Variants in APOD observed in about 807,000 individuals in gnomAD.
The protein encoded by APOD is apo-D.
In APOD, 22 loss-of-function variants were observed where a neutral mutation model predicts 20.4. The observed-to-expected ratio is 1.08, with a 90% confidence interval of 0.77 to 1.54. APOD has a LOEUF of 1.54. APOD is among the 40% of genes most tolerant of loss of function. The pLI, the probability that APOD is intolerant of heterozygous loss-of-function variation, is 0.00. For synonymous variants in APOD, 97 were observed against 92.4 expected (o/e 1.05, Z -0.29); for missense variants, 223 against 229.6 (o/e 0.97, Z 0.19).
chr3:195,569,786 GTTTTTTTTTTTT>G (rs543541862), intron 4 of APOD, among the ~76,000 whole-genome samples: 8 of 54,044 alleles, frequency 1.5e-4, no homozygotes, highest in Non-Finnish European at 2.8e-4. Flanking sequence ...CTTCTTCTTC[GTTTTTTTTTTTT>G]TTTTTTTTTT....
At chr3:195,576,744 AG>A in intron 2 of APOD, among the ~76,000 whole-genome samples, 1 of 152,160 alleles carries the variant, frequency 6.6e-6, no homozygotes, top group African/African-American at 2.4e-5. Flanking sequence ...TGGGAGGCAG[AG>A]GTTGCAGTGA....
At chr3:195,574,771 T>C (rs1485521060) in intron 2 of APOD, among the ~76,000 whole-genome samples, 1 of 152,170 alleles carries the variant, frequency 6.6e-6, no homozygotes, top group Non-Finnish European at 1.5e-5. Context: ...ATGTGAGCAT[T>C]AGTAGGGGGC....
chr3:195,579,289 C>T (rs749791885), intron 2 of APOD, 50 bp downstream of exon 2: 3 of 1,609,706 alleles, frequency 1.9e-6, no homozygotes, highest in Admixed American at 3.3e-5. Flanking sequence ...CCTTGTAGAA[C>T]GCTTATTCAC....
At chr3:195,574,301 G>T (rs1337958122) in intron 2 of APOD, among the ~76,000 whole-genome samples, 10 of 152,240 alleles carry the variant, frequency 6.6e-5, no homozygotes, top group Non-Finnish European at 1.3e-4. Flanking sequence ...AGTCATCTTT[G>T]AATCCTGTGC....
intron 1 of APOD, among the ~76,000 whole-genome samples, chr3:195,583,590 T>C (rs1720376892): frequency 6.6e-6 from 1 of 152,178 alleles, no homozygotes; most frequent in African/African-American, 2.4e-5. Flanking sequence ...TTGTCCAGTT[T>C]GGAGGGGTAA....
chr3:195,569,033 G>A lies in APOD; in HGVS notation c.437C>T (p.Ala146Val). The A allele has an allele frequency of 6.2e-7, 1 of 1,614,138 alleles. No individual in the cohort carries two copies. The highest frequency in any genetic ancestry group is 8.5e-7 in the Non-Finnish European group (1 of 1,180,004). Reference sequence around the variant, plus strand: ...ATTAGGGTTTCTTGCCAAGATCCAAGCAAAATCCACGTGAAAAAGTTGGAT... The same window carrying A: ...ATTAGGGTTTCTTGCCAAGATCCAAACAAAATCCACGTGAAAAAGTTGGAT... ...CIIQLFHVDF[A>V]WILARNPNLP... The change falls in exon 5 of 5, where the codon GCT becomes GTT. Residue 146 changes from alanine to valine, a missense_variant. Physicochemically the swap from Ala to Val is moderately conservative, Grantham distance 64 (BLOSUM62 0). Coordinates refer to ENST00000343267, the MANE Select transcript of APOD (RefSeq NM_001647.4).
At chr3:195,571,242 G>T in intron 4 of APOD, 35 bp downstream of exon 4, 1 of 1,583,224 alleles carries the variant, frequency 6.3e-7, no homozygotes, top group Non-Finnish European at 8.7e-7. Flanking sequence ...CATATTTCCT[G>T]TCCCTGAATC....
intron 2 of APOD, among the ~76,000 whole-genome samples, chr3:195,578,317 C>G (rs1286296081): frequency 4.6e-5 from 7 of 152,160 alleles, no homozygotes; most frequent in Non-Finnish European, 1.0e-4. Context: ...CCTCTTCCTA[C>G]CACACCTGTA....
chr3:195,580,295 G>T (rs1415414496), intron 1 of APOD, among the ~76,000 whole-genome samples: 1 of 151,552 alleles, frequency 6.6e-6, no homozygotes, highest in Non-Finnish European at 1.5e-5. Context: ...GCTAGTTATT[G>T]TTATTATCAA....
intron 2 of APOD, chr3:195,577,284 A>G (rs1720264317): frequency 3.8e-6 from 1 of 265,742 alleles, no homozygotes; most frequent in African/African-American, 2.4e-5. Flanking sequence ...AAAGAAACAT[A>G]AAACTTATAC....
intron 2 of APOD, 63 bp downstream of exon 2, chr3:195,579,276 G>A (rs1178827585): frequency 6.2e-7 from 1 of 1,600,876 alleles, no homozygotes; most frequent in African/African-American, 1.3e-5. Flanking sequence ...TAATTACATT[G>A]AACCTTGTAG....
chr3:195,571,044 C>G (rs1204099497), intron 4 of APOD: 6 of 557,692 alleles, frequency 1.1e-5, no homozygotes, highest in Non-Finnish European at 1.9e-5. Flanking sequence ...ATTGCGGGGT[C>G]ACGTGTCAGT....
At position 195,569,052 on chromosome 3, in the gene APOD, G is replaced by A. The variant is rs1272865328; in HGVS notation, c.418C>T (p.Leu140Phe). ...ATCCAAGCAAAATCCACGTGAAAAA[G>A]TTGGATGATGCAGGTACAGGAATAC... ...LVYSCTCIIQ[L>F]FHVDFAWILA... Residue 140 changes from leucine to phenylalanine, a missense_variant, in exon 5 of 5, where the codon CTT (leucine) becomes TTT (phenylalanine). Leu to Phe is a conservative substitution (Grantham distance 22). Coordinates refer to ENST00000343267, the MANE Select transcript of APOD (RefSeq NM_001647.4). 6.2e-7 allele frequency: 1 copy of A among 1,614,166 alleles called. No homozygotes were observed. Among genetic ancestry groups the A allele is most frequent in the East Asian group, 2.2e-5 (1 of 44,892 alleles).
chr3:195,572,260 C>T (rs1577602873), intron 3 of APOD, among the ~76,000 whole-genome samples: 1 of 152,212 alleles, frequency 6.6e-6, no homozygotes, highest in South Asian at 2.1e-4. Context: ...TCTAGTTCAG[C>T]AAGCCTCTGA....
chr3:195,571,083 T>C lies in APOD; in HGVS notation c.334+194A>G, dbSNP rs558784060. On this transcript the variant is annotated intron_variant, in intron 4 of 4. Coordinates refer to ENST00000343267, the MANE Select transcript of APOD (RefSeq NM_001647.4). Reference sequence around the variant, plus strand: ...CACACTGGGATGTGAGCTCCATAAGTACCAAGGCCAGCTCTGTCCGGCTCA... The same window carrying C: ...CACACTGGGATGTGAGCTCCATAAGCACCAAGGCCAGCTCTGTCCGGCTCA... 12 of 610,176 alleles carry C rather than the reference T, an allele frequency of 2.0e-5. No homozygotes were observed. In the African/African-American group the frequency reaches 2.2e-4, roughly 11 times the overall value. 37.8% of individuals were successfully genotyped at this position (610,176 alleles called of 1,614,324 possible). A position where few individuals can be genotyped will look rare whatever the true frequency, so the allele number is the denominator to read the frequency against.
chr3:195,576,265 T>C (rs1720246178), intron 2 of APOD, among the ~76,000 whole-genome samples: 2 of 152,220 alleles, frequency 1.3e-5, no homozygotes, highest in African/African-American at 2.4e-5. Context: ...CAAGGAAGCA[T>C]GATTTTTCAG....
rs912772716 is a variant in APOD at position 195,569,801 on chromosome 3, T to G, written c.335-666A>C. Among the ~76,000 whole-genome samples the G allele has an allele frequency of 1.7e-4, 23 of 135,048 alleles. 2 individuals carry two copies. In the East Asian group the frequency reaches 2.7e-3, roughly 16 times the overall value. 88.6% of individuals were successfully genotyped at this position (135,048 alleles called of 152,430 possible). On this transcript the variant is annotated intron_variant, in intron 4 of 4. Coordinates refer to ENST00000343267, the MANE Select transcript of APOD (RefSeq NM_001647.4). Reference sequence around the variant, plus strand: ...CTTCTTCTTCGTTTTTTTTTTTTTTTTTTTTTTTTTTTTTTGAGATGGAGT... The same window carrying G: ...CTTCTTCTTCGTTTTTTTTTTTTTTGTTTTTTTTTTTTTTTGAGATGGAGT...
intron 1 of APOD, among the ~76,000 whole-genome samples, chr3:195,581,910 C>T (rs1577607545): frequency 9.9e-5 from 15 of 152,126 alleles, no homozygotes; most frequent in Admixed American, 9.2e-4. Flanking sequence ...TGCGGTGGCT[C>T]AAGCCTGTAA....
At position 195,580,064 on chromosome 3, in the gene APOD, G is replaced by GGAGC. The variant is rs569543247; in HGVS notation, c.-34-573_-34-570dup. 2.2e-4 allele frequency among the ~76,000 whole-genome samples: 33 copies of GGAGC among 152,262 alleles called. 1 individual carries two copies. The South Asian group carries it at 6.6e-3, about 31-fold the overall frequency. On this transcript the variant is annotated intron_variant, in intron 1 of 4. Coordinates refer to ENST00000343267, the MANE Select transcript of APOD (RefSeq NM_001647.4). ...AGAGTGCGCTTGGAAACCTTAACAG[G>GGAGC]GAGCGGCCTGCTGGGGGCTCCAGGG...
Sources: gnomAD v4.1 joint callset for allele counts (sites outside exome capture counted in the v4.1 genomes callset) on GRCh38, gnomAD v4.1.1 for gene constraint, MANE v1.5 for transcripts, NCBI Gene and HGNC (gene_info 2026-07-23, HGNC 2026-07-21) for gene names.